ERC1: variants seen among roughly 807,000 people sequenced by gnomAD.
The protein encoded by ERC1 is RAB6 interacting protein 2.
Under a neutral mutation model 132.0 loss-of-function variants are expected in ERC1, and 56 were observed. The ratio of observed to expected loss-of-function variants is 0.42; its 90% CI spans 0.34 to 0.53. The LOEUF is 0.53. Among genes scored for constraint, ERC1 ranks in the 20% least tolerant of loss-of-function variants. The pLI is 0.03. For synonymous variants in ERC1, 478 were observed against 476.1 expected (o/e 1.00, Z -0.05); for missense variants, 1,202 against 1,349.9 (o/e 0.89, Z 1.72).
At chr12:1,444,330 C>T in intron 17 of ERC1, 2 of 396,422 alleles carry the variant, frequency 5.0e-6, no homozygotes, top group South Asian at 4.5e-5. Flanking sequence ...TATATGAAGC[C>T]AGCGTTCTCT....
intron 8 of ERC1, among the ~76,000 whole-genome samples, chr12:1,142,997 C>T (rs1450546287): frequency 3.3e-5 from 5 of 152,250 alleles, no homozygotes; most frequent in East Asian, 1.9e-4. Context: ...CTCCTGGGTT[C>T]GAGTGATTCC....
At chr12:1,416,569 A>G (rs1336922103) in intron 17 of ERC1, among the ~76,000 whole-genome samples, 3 of 152,240 alleles carry the variant, frequency 2.0e-5, no homozygotes, top group Non-Finnish European at 4.4e-5. Flanking sequence ...AAGAACAGTT[A>G]CATATTAAGC....
chr12:1,286,488 A>G (rs1053633553), intron 14 of ERC1, among the ~76,000 whole-genome samples: 2 of 152,138 alleles, frequency 1.3e-5, no homozygotes, highest in Admixed American at 6.5e-5. Context: ...AAATTACACT[A>G]CTTGTAGATA....
At chr12:1,363,195 CT>C (rs2086299432) in intron 15 of ERC1, among the ~76,000 whole-genome samples, 1 of 152,086 alleles carries the variant, frequency 6.6e-6, no homozygotes, top group East Asian at 1.9e-4. Flanking sequence ...AATGTACAAA[CT>C]TTTGTTTTTT....
chr12:1,405,698 A>G (rs1305315628), intron 16 of ERC1, among the ~76,000 whole-genome samples: 1 of 152,112 alleles, frequency 6.6e-6, no homozygotes, highest in Non-Finnish European at 1.5e-5. Context: ...GCAAGACTCC[A>G]TCTCAAAAAA....
chr12:1,231,279 T>C (rs192134673), intron 12 of ERC1, among the ~76,000 whole-genome samples: 111 of 152,330 alleles, frequency 7.3e-4, no homozygotes, highest in Non-Finnish European at 1.2e-3. Flanking sequence ...AACTAAACTT[T>C]AATTACCTAC....
intron 14 of ERC1, among the ~76,000 whole-genome samples, chr12:1,289,128 C>T (rs2079247360): frequency 7.4e-6 from 1 of 135,082 alleles, no homozygotes; most frequent in African/African-American, 2.8e-5. Flanking sequence ...CACACACACA[C>T]ACATAACTAT....
intron 15 of ERC1, among the ~76,000 whole-genome samples, chr12:1,295,322 C>G (rs185406389): frequency 4.6e-5 from 7 of 152,224 alleles, no homozygotes; most frequent in African/African-American, 1.4e-4. Context: ...TCCCCTGATT[C>G]TGTAGTTGTA....
intron 7 of ERC1, among the ~76,000 whole-genome samples, chr12:1,126,672 A>T (rs1223813290): frequency 6.6e-6 from 1 of 152,138 alleles, no homozygotes; most frequent in Non-Finnish European, 1.5e-5. Flanking sequence ...TTAAAATAGT[A>T]AGGATTCAGA....
At chr12:1,315,795 A>G (rs777500172) in intron 15 of ERC1, among the ~76,000 whole-genome samples, 17 of 152,242 alleles carry the variant, frequency 1.1e-4, no homozygotes, top group Non-Finnish European at 1.8e-4. Context: ...TTGAGTTCAT[A>G]GAAAGACAGT....
intron 11 of ERC1, among the ~76,000 whole-genome samples, chr12:1,187,464 A>G (rs1009868452): frequency 2.0e-5 from 3 of 151,198 alleles, no homozygotes; most frequent in African/African-American, 2.4e-5. Flanking sequence ...GCGAGGTCCC[A>G]TTGTGTTTCC....
intron 14 of ERC1, among the ~76,000 whole-genome samples, chr12:1,264,715 T>C (rs1456881314): frequency 1.3e-5 from 2 of 152,128 alleles, no homozygotes; most frequent in African/African-American, 4.8e-5. Context: ...TTCATAACAC[T>C]TAATTTTGCA....
At chr12:1,231,835 G>A (rs1418467921) in intron 12 of ERC1, among the ~76,000 whole-genome samples, 1 of 152,118 alleles carries the variant, frequency 6.6e-6, no homozygotes, top group African/African-American at 2.4e-5. Flanking sequence ...TGCCTCCCGG[G>A]TTCTAGCGAT....
chr12:1,216,313 A>G (rs988901099), intron 12 of ERC1, among the ~76,000 whole-genome samples: 2 of 152,120 alleles, frequency 1.3e-5, no homozygotes, highest in Non-Finnish European at 2.9e-5. Context: ...ACTAATATTT[A>G]TTTGCACAGA....
intron 13 of ERC1, among the ~76,000 whole-genome samples, chr12:1,249,012 A>G (rs982557597): frequency 3.3e-5 from 5 of 152,096 alleles, no homozygotes; most frequent in African/African-American, 1.2e-4. Flanking sequence ...CCTCTGGAGT[A>G]TCTGGGACTA....
chr12:1,202,216 C>A (rs1281437359), intron 12 of ERC1, among the ~76,000 whole-genome samples: 3 of 152,158 alleles, frequency 2.0e-5, no homozygotes, highest in African/African-American at 4.8e-5. Flanking sequence ...CCCAAAGTTT[C>A]CTGTGGGCAC....
chr12:1,438,946 T>TAAAA (rs145056944), intron 17 of ERC1, among the ~76,000 whole-genome samples: 4 of 144,708 alleles, frequency 2.8e-5, no homozygotes, highest in South Asian at 2.2e-4. Context: ...TGTCTCAATT[T>TAAAA]AAAAAAAAAT....
At chr12:1,373,123 A>G (rs1355392855) in intron 16 of ERC1, among the ~76,000 whole-genome samples, 1 of 152,238 alleles carries the variant, frequency 6.6e-6, no homozygotes. Context: ...ACTTTTTAGC[A>G]AGAAGAGGAC....
chr12:1,023,081 A>G (rs759273733), intron 1 of ERC1, among the ~76,000 whole-genome samples: 4 of 152,196 alleles, frequency 2.6e-5, no homozygotes, highest in African/African-American at 4.8e-5. Flanking sequence ...TCTTTCTTTT[A>G]TAAATTACCC....
Sources: allele counts gnomAD v4.1 joint callset (sites outside exome capture counted in the v4.1 genomes callset), GRCh38; gene constraint gnomAD v4.1.1; transcripts MANE v1.5; gene names NCBI Gene and HGNC (gene_info 2026-07-23, HGNC 2026-07-21).